Variants in ANAPC1 observed in about 807,000 individuals in gnomAD.
ANAPC1 encodes anaphase-promoting complex subunit 1.
In ANAPC1, 36 loss-of-function variants were observed where a neutral mutation model predicts 208.0. The observed-to-expected ratio is 0.17, with a 90% CI of 0.13 to 0.23. The LOEUF (loss-of-function observed/expected upper bound fraction) is 0.23, where lower values mean the gene tolerates loss of function less well. ANAPC1 is among the 10% of genes least tolerant of loss of function. The pLI is 1.00. For synonymous variants in ANAPC1, 378 were observed against 695.2 expected (o/e 0.54, Z 7.18); for missense variants, 942 against 2,011.6 (o/e 0.47, Z 10.17).
In ANAPC1 at chr2:111,824,537, G is replaced by C. The variant is rs182037869; in HGVS notation, c.2812+429C>G. 7.0e-3 allele frequency among the ~76,000 whole-genome samples: 1,062 copies of C among 152,078 alleles called. 16 individuals are homozygous for C. The highest frequency in any genetic ancestry group is 0.025 in the African/African-American group (1,027 of 41,508). On this transcript the variant is annotated intron_variant, in intron 24 of 47. Coordinates refer to ENST00000341068, the MANE Select transcript of ANAPC1 (RefSeq NM_022662.4). ...TTCCCAGTTCAATGTTCATCTTGGT[G>C]CCTGAAATCCCTTCAAAAGTGCATT...
In ANAPC1 at chr2:111,864,733, G is replaced by A. The variant is rs968864870; in HGVS notation, c.831+73C>T. ...CTGCCTTGGCCTCCCAAAATGCTAG[G>A]ATTACAGGTGTGAGCCAGTGCACCC... On this transcript the variant is annotated intron_variant, in intron 8 of 47. Transcript: ENST00000341068. 1.7e-4 allele frequency: 271 copies of A among 1,600,044 alleles called. 1 individual carries two copies. Among genetic ancestry groups the A allele is most frequent in the Non-Finnish European group, 2.1e-4 (252 of 1,172,666 alleles).
At chr2:111,849,189 T>C (rs1681256731) in intron 14 of ANAPC1, among the ~76,000 whole-genome samples, 1 of 152,238 alleles carries the variant, frequency 6.6e-6, no homozygotes, top group South Asian at 2.1e-4. Context: ...CTAAGTCTAC[T>C]AGCAAAATCT....
intron 37 of ANAPC1, 136 bp from the exon 38 acceptor site, chr2:111,792,691 G>A (rs1677941626): frequency 9.9e-6 from 6 of 603,254 alleles, no homozygotes; most frequent in South Asian, 4.4e-5. Flanking sequence ...TGTGGCTCAC[G>A]CCTGTAATCC....
chr2:111,811,024 T>C (rs1214711241), intron 28 of ANAPC1, among the ~76,000 whole-genome samples: 2 of 152,052 alleles, frequency 1.3e-5, no homozygotes, highest in African/African-American at 4.8e-5. Flanking sequence ...GTTGGCCTTG[T>C]TCTAAACCAG....
chr2:111,767,143 G>A, downstream of ANAPC1: 1 of 366,998 alleles, frequency 2.7e-6, no homozygotes, highest in South Asian at 2.1e-5. Context: ...ATGGGCATAG[G>A]GAATTAGTAA....
chr2:111,831,930 T>C (rs982684003), intron 20 of ANAPC1, among the ~76,000 whole-genome samples: 16 of 148,848 alleles, frequency 1.1e-4, no homozygotes, highest in African/African-American at 3.5e-4. Flanking sequence ...ATGTAGAATT[T>C]AAATGACTTC....
At chr2:111,781,665 C>T (rs1677283634) in intron 43 of ANAPC1, among the ~76,000 whole-genome samples, 1 of 152,362 alleles carries the variant, frequency 6.6e-6, no homozygotes, top group Non-Finnish European at 1.5e-5. Context: ...CTTTGTATCA[C>T]CAGCAGGGAC....
At chr2:111,842,137 T>C (rs1344234647) in intron 17 of ANAPC1, among the ~76,000 whole-genome samples, 10 of 152,248 alleles carry the variant, frequency 6.6e-5, no homozygotes, top group Non-Finnish European at 1.5e-4. Flanking sequence ...TATTAGCTAT[T>C]GGTTAACTAT....
intron 24 of ANAPC1, among the ~76,000 whole-genome samples, chr2:111,823,236 C>G (rs903635262): frequency 2.0e-5 from 3 of 151,438 alleles, no homozygotes; most frequent in African/African-American, 7.3e-5. Flanking sequence ...CCAGGATGGT[C>G]TCGATCTCCT....
chr2:111,858,661 C>A (rs1055055242), intron 10 of ANAPC1, among the ~76,000 whole-genome samples: 6 of 151,526 alleles, frequency 4.0e-5, no homozygotes, highest in Admixed American at 3.3e-4. Context: ...ACTCTGGAGG[C>A]TGAGGCGGGA....
chr2:111,769,234 T>A lies in ANAPC1; in HGVS notation c.*57A>T. 1 of 1,607,746 alleles carries A rather than the reference T, an allele frequency of 6.2e-7. No homozygotes were observed. The highest frequency in any genetic ancestry group is 8.5e-7 in the Non-Finnish European group (1 of 1,174,976). ...TAAACATTGCTTTAGCTTTGATGTT[T>A]GGTCACGTTTGTTGTGCAGAAGTCA... On this transcript the variant is annotated 3_prime_UTR_variant, in exon 48 of 48. Coordinates refer to ENST00000341068, the MANE Select transcript of ANAPC1 (RefSeq NM_022662.4).
chr2:111,771,013 A>G (rs1366690117), intron 47 of ANAPC1: 1 of 153,848 alleles, frequency 6.5e-6, no homozygotes, highest in Non-Finnish European at 1.5e-5. Context: ...TGAAGGTTAC[A>G]TTTTCTTCTG....
intron 24 of ANAPC1, among the ~76,000 whole-genome samples, chr2:111,823,000 C>CTTTTTTTTTT (rs58815496): frequency 1.1e-4 from 7 of 61,304 alleles, no homozygotes; most frequent in African/African-American, 2.1e-4. Flanking sequence ...TCTTTTTATT[C>CTTTTTTTTTT]TTTTTTTTTT....
Position 111,858,287 on chromosome 2 carries a change from G to A in ANAPC1, c.1358+19C>T. ...GCTAAGTTATTTATACAGAAACAAT[G>A]GGAAAGACATACACCTACCGTAACT... On this transcript the variant is annotated intron_variant, in intron 11 of 47. Transcript: ENST00000341068. 6.3e-7 allele frequency: 1 copy of A among 1,587,308 alleles called. No individual in the cohort carries two copies. Among genetic ancestry groups the A allele is most frequent in the Non-Finnish European group, 8.6e-7 (1 of 1,161,872 alleles).
intron 6 of ANAPC1, among the ~76,000 whole-genome samples, chr2:111,871,523 G>A (rs1682744532): frequency 6.6e-6 from 1 of 152,128 alleles, no homozygotes. Context: ...GGCCAAGGTG[G>A]GTGGATCACC....
In ANAPC1 at chr2:111,824,613, T is replaced by C. The variant is rs1330459906; in HGVS notation, c.2812+353A>G. 1.3e-5 allele frequency among the ~76,000 whole-genome samples: 2 copies of C among 152,178 alleles called. 1 individual carries two copies. Among genetic ancestry groups the C allele is most frequent in the East Asian group, 3.8e-4 (2 of 5,202 alleles). ...TGTTTATATTATTGCTTTTAGACTT[T>C]GCCAAAACCACCCATTTCTGATATC... On this transcript the variant is annotated intron_variant, in intron 24 of 47. Coordinates refer to ENST00000341068, the MANE Select transcript of ANAPC1 (RefSeq NM_022662.4).
chr2:111,794,537 A>C (rs1345178554), intron 35 of ANAPC1, among the ~76,000 whole-genome samples: 2 of 152,062 alleles, frequency 1.3e-5, no homozygotes, highest in African/African-American at 4.8e-5. Context: ...ACAGTTTCAT[A>C]TGCAGCAAAA....
chr2:111,801,331 T>C (rs1231800987), intron 33 of ANAPC1, among the ~76,000 whole-genome samples: 2 of 146,832 alleles, frequency 1.4e-5, no homozygotes, highest in Non-Finnish European at 3.0e-5. Context: ...CACTCCAGCC[T>C]GGGCCACAGA....
Position 111,850,880 on chromosome 2 carries a change from C to G in ANAPC1, c.1546G>C (p.Ala516Pro). ...VGKVFIPGLP[A>P]PSLTMSNTMP... ...GTGTTGGACATCGTCAGAGAGGGAGCTGGCAGTCCAGGAATAAAAACCTTT... is the reference window on the plus strand; with the variant it reads ...GTGTTGGACATCGTCAGAGAGGGAGGTGGCAGTCCAGGAATAAAAACCTTT... Residue 516 changes from alanine to proline, a missense_variant, in exon 14 of 48, where the codon GCT becomes CCT. Coordinates refer to ENST00000341068, the MANE Select transcript of ANAPC1 (RefSeq NM_022662.4). 1 of 1,605,124 alleles carries G rather than the reference C, an allele frequency of 6.2e-7. No homozygotes were observed. The highest frequency in any genetic ancestry group is 8.5e-7 in the Non-Finnish European group (1 of 1,178,266).
Sources: gnomAD v4.1 joint callset for allele counts (sites outside exome capture counted in the v4.1 genomes callset) on GRCh38, gnomAD v4.1.1 for gene constraint, MANE v1.5 for transcripts, NCBI Gene and HGNC (gene_info 2026-07-23, HGNC 2026-07-21) for gene names.